NT5C2: variants seen among roughly 807,000 people sequenced by gnomAD.
The protein encoded by NT5C2 is cytosolic purine 5'-nucleotidase.
In NT5C2, 58 loss-of-function variants were observed where a neutral mutation model predicts 76.1. The ratio of observed to expected loss-of-function variants is 0.76; its 90% CI spans 0.62 to 0.95. NT5C2 has a LOEUF of 0.95. Among genes scored for constraint, NT5C2 ranks in the 40% least tolerant of loss-of-function variants. NT5C2 has a pLI of 0.00. For synonymous variants in NT5C2, 229 were observed against 237.4 expected, an observed-to-expected ratio of 0.96 and a Z score of 0.32; for missense variants, 478 against 690.3, an observed-to-expected ratio of 0.69 and a Z score of 3.45.
In NT5C2 at chr10:103,127,162, C is replaced by A. The variant is rs74838281; in HGVS notation, c.175+12244G>T. On this transcript the variant is annotated intron_variant, in intron 4 of 18. Transcript: ENST00000404739. The stretch of plus-strand genomic sequence containing the variant: ...CTGTAGTTAAAGCATAATTAATGTA[C>A]ATAATCTCATTAGATAAATAAAGTG... Among the ~76,000 whole-genome samples the A allele has an allele frequency of 5.4e-3, 820 of 152,256 alleles. 8 individuals carry two copies. Among genetic ancestry groups the A allele is most frequent in the Non-Finnish European group, 8.9e-3 (608 of 68,022 alleles).
intron 1 of NT5C2, among the ~76,000 whole-genome samples, chr10:103,183,334 CT>C (rs377139530): frequency 0.64 from 56,203 of 88,302 alleles, 17,521 homozygotes; most frequent in East Asian, 0.71. Context: ...AAATTATTAG[CT>C]TTTTTTTTTT....
At chr10:103,096,698 T>C (rs1366813424) in intron 11 of NT5C2, among the ~76,000 whole-genome samples, 1 of 151,496 alleles carries the variant, frequency 6.6e-6, no homozygotes, top group African/African-American at 2.4e-5. Flanking sequence ...ACAAAAAAAT[T>C]AGCCAGGCGC....
chr10:103,127,483 T>C (rs1335527472), intron 4 of NT5C2, among the ~76,000 whole-genome samples: 1 of 152,232 alleles, frequency 6.6e-6, no homozygotes, highest in Admixed American at 6.5e-5. Flanking sequence ...GAGATGAAGA[T>C]AATGAAGCTC....
intron 12 of NT5C2, 79 bp downstream of exon 12, chr10:103,095,860 C>A: frequency 7.5e-7 from 1 of 1,341,046 alleles, no homozygotes; most frequent in Non-Finnish European, 1.1e-6. Flanking sequence ...CTGACCAATT[C>A]TTTCCCCCTT....
intron 4 of NT5C2, among the ~76,000 whole-genome samples, chr10:103,111,555 C>T (rs1440488455): frequency 6.6e-6 from 1 of 152,126 alleles, no homozygotes; most frequent in African/African-American, 2.4e-5. Context: ...AGATAGAATA[C>T]ATATTAAAGG....
At chr10:103,114,854 T>C (rs1374603864) in intron 4 of NT5C2, among the ~76,000 whole-genome samples, 1 of 152,192 alleles carries the variant, frequency 6.6e-6, no homozygotes, top group Non-Finnish European at 1.5e-5. Context: ...ACCGAACAAA[T>C]GTTCCCAGTG....
intron 3 of NT5C2, among the ~76,000 whole-genome samples, chr10:103,139,919 T>C (rs552970520): frequency 1.3e-5 from 2 of 152,136 alleles, no homozygotes; most frequent in Admixed American, 1.3e-4. Flanking sequence ...TCCCCAACAC[T>C]GTTTTGTTTT....
At chr10:103,100,692 G>A (rs1222337151) in intron 8 of NT5C2, 1 of 492,748 alleles carries the variant, frequency 2.0e-6, no homozygotes, top group South Asian at 1.5e-5. Flanking sequence ...GGTAGCTGCT[G>A]TGAAATGAGT....
intron 1 of NT5C2, among the ~76,000 whole-genome samples, chr10:103,192,839 G>A (rs12774182): frequency 1.2e-3 from 190 of 152,326 alleles, no homozygotes; most frequent in Admixed American, 2.8e-3. Flanking sequence ...GCAGGACTGA[G>A]GAAAGGGCTA....
At chr10:103,132,218 T>C (rs2148197) in intron 4 of NT5C2, among the ~76,000 whole-genome samples, 61,530 of 147,898 alleles carry the variant, frequency 0.42, 12,796 homozygotes, top group East Asian at 0.57. Context: ...CCAGCCTGGG[T>C]AACAAGAGCA....
chr10:103,090,773 G>C lies in NT5C2; in HGVS notation c.1287C>G (p.Asp429Glu). The change falls in exon 18 of 19, where the codon GAC becomes GAG. Residue 429 changes from aspartate to glutamate, a missense_variant. Transcript: ENST00000404739. ...IQRRIKKVTH[D>E]MDMCYGMMGS... Reference sequence around the variant, plus strand: ...CCATCATCCCATAGCACATGTCCATGTCATGAGTTACTTTCTAAAACAAAG... The same window carrying C: ...CCATCATCCCATAGCACATGTCCATCTCATGAGTTACTTTCTAAAACAAAG... 4 of 1,613,988 alleles carry C rather than the reference G, an allele frequency of 2.5e-6. No homozygotes were observed. Among genetic ancestry groups the C allele is most frequent in the African/African-American group, 1.3e-5 (1 of 75,056 alleles).
intron 3 of NT5C2, among the ~76,000 whole-genome samples, chr10:103,162,989 G>T (rs141637838): frequency 5.1e-4 from 78 of 151,980 alleles, no homozygotes; most frequent in Non-Finnish European, 1.0e-3. Flanking sequence ...CCACTAATGT[G>T]TTCTCCCCAT....
At chr10:103,121,068 A>G (rs1370959052) in intron 4 of NT5C2, among the ~76,000 whole-genome samples, 2 of 152,242 alleles carry the variant, frequency 1.3e-5, no homozygotes, top group East Asian at 1.9e-4. Flanking sequence ...TGAAATACCT[A>G]TAACAGACAA....
intron 4 of NT5C2, among the ~76,000 whole-genome samples, chr10:103,132,818 G>C (rs2078463910): frequency 1.3e-5 from 2 of 152,134 alleles, no homozygotes; most frequent in East Asian, 1.9e-4. Flanking sequence ...CCAAAGTGTT[G>C]GGATTATAGG....
intron 3 of NT5C2, among the ~76,000 whole-genome samples, chr10:103,143,352 G>A (rs1389192338): frequency 6.6e-6 from 1 of 151,816 alleles, no homozygotes; most frequent in Non-Finnish European, 1.5e-5. Context: ...GCCTCCACTG[G>A]GATACAGAAA....
rs539781649 is a variant in NT5C2, at chr10:103,093,997, T to G, written c.963A>C (p.Leu321=). The part of the protein sequence containing the change: ...KLKIGTYTGP[L]QHGIVYSGGS... ...CTCCTGAGTAGACGATACCATGCTG[T>G]AGGGGCCCTGTGTAGGTACCAATTT... Residue 321 remains leucine (L), a synonymous_variant, in exon 14 of 19, where the codon CTA becomes CTC. Transcript: ENST00000404739. 1 of 1,613,874 alleles carries G rather than the reference T, an allele frequency of 6.2e-7. No individual in the cohort carries two copies.
intron 1 of NT5C2, among the ~76,000 whole-genome samples, chr10:103,184,055 C>T (rs1444742498): frequency 3.3e-5 from 5 of 151,118 alleles, no homozygotes; most frequent in African/African-American, 7.3e-5. Flanking sequence ...CAGATTCAAG[C>T]GATTCTCCTG....
chr10:103,180,592 A>G (rs2090875911), intron 2 of NT5C2, among the ~76,000 whole-genome samples: 1 of 152,142 alleles, frequency 6.6e-6, no homozygotes, highest in Non-Finnish European at 1.5e-5. Flanking sequence ...TTAGTTGGGC[A>G]TGGTAGCACA....
intron 2 of NT5C2, among the ~76,000 whole-genome samples, chr10:103,177,652 G>C (rs1274172323): frequency 1.3e-5 from 2 of 151,922 alleles, no homozygotes; most frequent in African/African-American, 4.8e-5. Context: ...CTCCAGAACA[G>C]CTAGAAATAC....
Sources: allele counts gnomAD v4.1 joint callset (sites outside exome capture counted in the v4.1 genomes callset), GRCh38; gene constraint gnomAD v4.1.1; transcripts MANE v1.5; gene names NCBI Gene and HGNC (gene_info 2026-07-23, HGNC 2026-07-21).